The following IGSF9B variants were observed in gnomAD, a reference collection of about 807,000 sequenced individuals.
IGSF9B encodes protein turtle homolog B.
Under a neutral mutation model 143.7 loss-of-function variants are expected in IGSF9B, and 48 were observed. That is an observed-to-expected ratio of 0.33 (90% CI 0.26 to 0.42). IGSF9B has a LOEUF of 0.42. Among genes scored for constraint, IGSF9B ranks in the 20% least tolerant of loss-of-function variants. The pLI is 1.00. For missense variants in IGSF9B, 1,706 were observed against 1,980.0 expected (o/e 0.86, Z 2.63); for synonymous variants, 903 against 833.1 (o/e 1.08, Z -1.44).
intron 1 of IGSF9B, among the ~76,000 whole-genome samples, chr11:133,947,708 T>TCTCTCTCTCTC (rs1940079154): frequency 7.4e-6 from 1 of 134,800 alleles, no homozygotes; most frequent in Non-Finnish European, 1.6e-5. Context: ...TCTGTGTTTG[T>TCTCTCTCTCTC]TCTCTCTCTC....
chr11:133,922,322 G>A, intron 16 of IGSF9B, 100 bp from the exon 17 acceptor site: 1 of 1,167,316 alleles, frequency 8.6e-7, no homozygotes, highest in Non-Finnish European at 1.2e-6. Flanking sequence ...CCACCGCACA[G>A]GGAAGGAGCT....
intron 15 of IGSF9B, among the ~76,000 whole-genome samples, chr11:133,924,146 G>A (rs1939586168): frequency 6.6e-6 from 1 of 152,194 alleles, no homozygotes; most frequent in Non-Finnish European, 1.5e-5. Context: ...CTCTGGGTGA[G>A]CGGTGCCCAA....
At chr11:133,937,335 C>T (rs374724312) in intron 5 of IGSF9B, 41 bp downstream of exon 5, 78 of 1,460,958 alleles carry the variant, frequency 5.3e-5, no homozygotes, top group African/African-American at 5.0e-4. Flanking sequence ...GACATCCCCG[C>T]GGGAGCCCAG....
At chr11:133,938,375 C>T (rs1008665521) in intron 3 of IGSF9B, among the ~76,000 whole-genome samples, 4 of 152,180 alleles carry the variant, frequency 2.6e-5, no homozygotes, top group Non-Finnish European at 5.9e-5. Context: ...CACTTGCCGT[C>T]GGAGCCCTAC....
chr11:133,911,325 C>T (rs1340584039), intron 19 of IGSF9B, among the ~76,000 whole-genome samples: 1 of 152,206 alleles, frequency 6.6e-6, no homozygotes, highest in African/African-American at 2.4e-5. Flanking sequence ...GGCTTCACTC[C>T]ATCTCACTGA....
chr11:133,938,964 G>A (rs977488531), intron 3 of IGSF9B, among the ~76,000 whole-genome samples: 1 of 152,200 alleles, frequency 6.6e-6, no homozygotes, highest in African/African-American at 2.4e-5. Context: ...CAGTACCACC[G>A]CCATCTCTAT....
rs1414171001 is a variant in IGSF9B at position 133,927,056 on chromosome 11, A to G, written c.1667T>C (p.Leu556Pro). 2 of 1,562,286 alleles carry G rather than the reference A, an allele frequency of 1.3e-6. No individual in the cohort carries two copies. Among genetic ancestry groups the G allele is most frequent in the Non-Finnish European group, 1.7e-6 (2 of 1,153,212 alleles). The change falls in exon 13 of 20, where the codon CTG (leucine) becomes CCG (proline). Residue 556 changes from leucine to proline, a missense_variant. Physicochemically the swap from Leu to Pro is moderately conservative, Grantham distance 98 (BLOSUM62 -3). This residue lies in a region of IGSF9B where 267 missense variants were observed against 321.1 expected (regional missense o/e 0.83). Transcript: ENST00000533871. ...GGGTCCTGGCGGCACTGGCAAGGAC[A>G]GCCAGTCATGGGGCCCAAACTGTGC... Reference protein sequence around the residue: ...KRAQFGPHDWLSLPVPPGPSW... With the variant: ...KRAQFGPHDWPSLPVPPGPSW...
At chr11:133,936,811 G>A (rs1381759736) in intron 5 of IGSF9B, among the ~76,000 whole-genome samples, 1 of 152,184 alleles carries the variant, frequency 6.6e-6, no homozygotes, top group African/African-American at 2.4e-5. Context: ...TAAGCCGGGG[G>A]CCGAGTTCAG....
intron 18 of IGSF9B, 106 bp from the exon 19 acceptor site, chr11:133,912,113 C>G: frequency 7.4e-7 from 1 of 1,342,664 alleles, no homozygotes; most frequent in Non-Finnish European, 1.0e-6. Context: ...GGACAGAGTT[C>G]AGTCCTACAG....
At position 133,908,968 on chromosome 11, in the gene IGSF9B, G is replaced by C; in HGVS notation, c.*101C>G. 9.6e-7 allele frequency: 1 copy of C among 1,039,492 alleles called. No individual in the cohort carries two copies. Among genetic ancestry groups the C allele is most frequent in the Non-Finnish European group, 1.4e-6 (1 of 714,224 alleles). The allele number at this position is 1,039,492 out of a possible 1,614,324, so 64.4% of individuals were successfully genotyped here. On this transcript the variant is annotated 3_prime_UTR_variant, in exon 20 of 20. Transcript: ENST00000533871. ...GAGGGGGCATGCAGGACAAAGGTCTGGGCCGCCCTTGGCAGACGGAGGAGG... is the reference window on the plus strand; with the variant it reads ...GAGGGGGCATGCAGGACAAAGGTCTCGGCCGCCCTTGGCAGACGGAGGAGG...
chr11:133,956,316 CCG>C (rs1229014514), intron 1 of IGSF9B, among the ~76,000 whole-genome samples: 5 of 152,300 alleles, frequency 3.3e-5, no homozygotes, highest in South Asian at 2.1e-4. Context: ...CCGCAAACTC[CCG>C]CAGCCAGAGT....
chr11:133,943,009 T>G (rs918410167), intron 3 of IGSF9B, among the ~76,000 whole-genome samples: 7 of 152,148 alleles, frequency 4.6e-5, no homozygotes, highest in African/African-American at 1.4e-4. Context: ...CCTGGACAAG[T>G]TCTCAGACCC....
In IGSF9B at chr11:133,948,429, C is replaced by T. The variant is rs1428809257; in HGVS notation, c.65-2171G>A. Among the ~76,000 whole-genome samples, 1 of 152,096 alleles carries T rather than the reference C, an allele frequency of 6.6e-6. No homozygotes were observed. Among genetic ancestry groups the T allele is most frequent in the African/African-American group, 2.4e-5 (1 of 41,400 alleles). ...CCAATTTCCCCCACCCCCAACCTTGCTTCAGGCTAAGTTTGCAACCCAGCC... is the reference window on the plus strand; with the variant it reads ...CCAATTTCCCCCACCCCCAACCTTGTTTCAGGCTAAGTTTGCAACCCAGCC... On this transcript the variant is annotated intron_variant, in intron 1 of 19. Transcript: ENST00000533871. This position sits in a 1 kb window ranked among gnomAD's most constrained non-coding sequence, Gnocchi z 4.7.
chr11:133,932,003 C>G (rs891975824), intron 8 of IGSF9B, 68 bp downstream of exon 8: 46 of 1,554,166 alleles, frequency 3.0e-5, no homozygotes, highest in Admixed American at 1.9e-4. Flanking sequence ...AAATCCAGAG[C>G]CCAGAGGTGG....
In IGSF9B at chr11:133,920,270, G is replaced by C. The variant is rs780340792; in HGVS notation, c.3455C>G (p.Pro1152Arg). Residue 1152 changes from proline (P) to arginine (R), a missense_variant, in exon 18 of 20, where the codon CCG (proline) becomes CGG (arginine). This residue lies in a region of IGSF9B where 880 missense variants were observed against 762.9 expected (regional missense o/e 1.15). Transcript: ENST00000533871. The part of the protein sequence containing the change: ...MGIPVLPYPE[P>R]AEPGAHGGPS... ...GCCGCCGTGCGCCCCCGGCTCAGCC[G>C]GCTCGGGGTAAGGCAGCACAGGTAT... The C allele has an allele frequency of 6.6e-7, 1 of 1,520,644 alleles. No individual in the cohort carries two copies. Among genetic ancestry groups the C allele is most frequent in the Non-Finnish European group, 8.8e-7 (1 of 1,134,126 alleles). The allele number at this position is 1,520,644 out of a possible 1,614,324, so 94.2% of individuals were successfully genotyped here. A position where few individuals can be genotyped will look rare whatever the true frequency, so the allele number is the denominator to read the frequency against.
chr11:133,947,701 G>T (rs1199799789), intron 1 of IGSF9B, among the ~76,000 whole-genome samples: 2 of 96,804 alleles, frequency 2.1e-5, no homozygotes, highest in Non-Finnish European at 4.7e-5. Context: ...GGGCTCCTCT[G>T]TGTTTGTTCT....
Position 133,931,925 on chromosome 11 carries a change from C to A in IGSF9B, c.1111-130G>T. On this transcript the variant is annotated intron_variant, in intron 8 of 19. Coordinates refer to ENST00000533871, the MANE Select transcript of IGSF9B (RefSeq NM_001277285.4). This position sits in a 1 kb window ranked among gnomAD's most constrained non-coding sequence, Gnocchi z 7.7. ...GCTCCAGCCCGGGGCGGGCGGCACC[C>A]GCAGACCCCTACAGAAGCAGCTCTC... 6.7e-7 allele frequency: 1 copy of A among 1,494,180 alleles called. No individual in the cohort carries two copies. Among genetic ancestry groups the A allele is most frequent in the Non-Finnish European group, 9.0e-7 (1 of 1,111,282 alleles). 92.6% of individuals were successfully genotyped at this position (1,494,180 alleles called of 1,614,324 possible). A position where few individuals can be genotyped will look rare whatever the true frequency, so the allele number is the denominator to read the frequency against.
At position 133,907,739 on chromosome 11, in the gene IGSF9B, C is replaced by A. The variant is rs1939230695; in HGVS notation, c.*1330G>T. On this transcript the variant is annotated 3_prime_UTR_variant, in exon 20 of 20. Transcript: ENST00000533871. ...ACTCACCACCCCTCCCGCCTTCATTCCTACGCCTCAGCCACAGAATAGAAC... is the reference window on the plus strand; with the variant it reads ...ACTCACCACCCCTCCCGCCTTCATTACTACGCCTCAGCCACAGAATAGAAC... Among the ~76,000 whole-genome samples, 2 of 152,228 alleles carry A rather than the reference C, an allele frequency of 1.3e-5. No individual in the cohort carries two copies. Among genetic ancestry groups the A allele is most frequent in the East Asian group, 3.9e-4 (2 of 5,182 alleles).
At chr11:133,930,770 C>G (rs1939708559) in intron 11 of IGSF9B, among the ~76,000 whole-genome samples, 1 of 152,254 alleles carries the variant, frequency 6.6e-6, no homozygotes. Context: ...CCAGAAAGAC[C>G]TCCCTGAGGA....
Sources: allele counts gnomAD v4.1 joint callset (sites outside exome capture counted in the v4.1 genomes callset), GRCh38; gene constraint gnomAD v4.1.1; regional missense constraint gnomAD v4.1.1; non-coding constraint Gnocchi (gnomAD v3.1); transcripts MANE v1.5; gene names NCBI Gene and HGNC (gene_info 2026-07-23, HGNC 2026-07-21).